Variants in NT5M observed in about 807,000 individuals in gnomAD.
NT5M encodes 5'(3')-deoxyribonucleotidase, mitochondrial.
In NT5M, 22 loss-of-function variants were observed where a neutral mutation model predicts 22.2. That is an observed-to-expected ratio of 0.99 (90% confidence interval 0.71 to 1.41). The LOEUF (loss-of-function observed/expected upper bound fraction) is 1.41. Ranked by LOEUF, NT5M falls within the 40% of genes most tolerant of loss-of-function variation. The pLI is 0.00. For missense variants in NT5M, 322 were observed against 314.8 expected, an observed-to-expected ratio of 1.02 and a Z score of -0.17; for synonymous variants, 167 against 133.0, an observed-to-expected ratio of 1.26 and a Z score of -1.76.
intron 3 of NT5M, among the ~76,000 whole-genome samples, chr17:17,323,768 G>C (rs1007066076): frequency 2.0e-5 from 3 of 152,198 alleles, no homozygotes; most frequent in Non-Finnish European, 4.4e-5. Context: ...AGCTCTTCCC[G>C]AGCTGAGGAA....
intron 3 of NT5M, among the ~76,000 whole-genome samples, chr17:17,342,626 C>T (rs1168190672): frequency 6.6e-6 from 1 of 152,212 alleles, no homozygotes; most frequent in Non-Finnish European, 1.5e-5. Context: ...GGGTTTTCCC[C>T]ATTCCTCAAA....
At chr17:17,324,883 CACTTAT>C (rs975504327) in intron 3 of NT5M, among the ~76,000 whole-genome samples, 4 of 152,188 alleles carry the variant, frequency 2.6e-5, no homozygotes, top group Admixed American at 2.6e-4. Context: ...AGCACGAGTT[CACTTAT>C]ACTTAGGAGA....
In NT5M at chr17:17,303,594, C is replaced by T. The variant is rs1266102565; in HGVS notation, c.44C>T (p.Ala15Val). The change falls in exon 1 of 5, where the codon GCG becomes GTG. Residue 15 changes from alanine to valine, a missense_variant. By Grantham distance (64) the Ala-to-Val change is moderately conservative (BLOSUM62 0). Transcript: ENST00000389022. ...TGGTGTGCGCGGCGGCTCTGCAGCG[C>T]GGCGGTTCCCGCGGGGCGGCGCGGG... ...GGWCARRLCS[A>V]AVPAGRRGAA... The T allele has an allele frequency of 1.7e-5, 20 of 1,202,868 alleles. No homozygotes were observed. In the East Asian group the frequency reaches 4.5e-4, roughly 27 times the overall value. 74.5% of individuals were successfully genotyped at this position (1,202,868 alleles called of 1,614,324 possible).
At chr17:17,310,103 C>T (rs940814242) in intron 2 of NT5M, among the ~76,000 whole-genome samples, 4 of 152,056 alleles carry the variant, frequency 2.6e-5, no homozygotes, top group Admixed American at 6.6e-5. Flanking sequence ...GGATTACAGG[C>T]GTGAGCCACC....
intron 3 of NT5M, among the ~76,000 whole-genome samples, chr17:17,341,903 C>T (rs1017789853): frequency 1.3e-5 from 2 of 152,144 alleles, no homozygotes; most frequent in South Asian, 2.1e-4. Flanking sequence ...TGGTGGCAGG[C>T]GCCTGTGATC....
intron 3 of NT5M, among the ~76,000 whole-genome samples, chr17:17,337,324 C>T (rs1310299682): frequency 2.0e-5 from 3 of 152,100 alleles, no homozygotes; most frequent in Non-Finnish European, 4.4e-5. Flanking sequence ...TCACTGTAGC[C>T]TCAACCTCCT....
intron 3 of NT5M, among the ~76,000 whole-genome samples, chr17:17,331,956 A>G (rs141337102): frequency 1.9e-4 from 28 of 150,944 alleles, no homozygotes; most frequent in Non-Finnish European, 2.8e-4. Flanking sequence ...AATTTTTTGT[A>G]TTTTTAGTAG....
At chr17:17,312,940 C>G (rs901903474) in intron 2 of NT5M, among the ~76,000 whole-genome samples, 2 of 152,036 alleles carry the variant, frequency 1.3e-5, no homozygotes, top group Non-Finnish European at 2.9e-5. Context: ...GCCATGTACT[C>G]CTGCCTGAGC....
intron 2 of NT5M, 29 bp from the exon 3 acceptor site, chr17:17,323,156 A>G (rs1225998294): frequency 1.2e-6 from 2 of 1,607,602 alleles, no homozygotes; most frequent in Admixed American, 3.3e-5. Flanking sequence ...ATGGGGCTGC[A>G]GGCTCAACCT....
chr17:17,316,853 TATAGGCAC>T lies in NT5M; in HGVS notation c.369-6329_369-6322del, dbSNP rs1174188977. On this transcript the variant is annotated intron_variant, in intron 2 of 4. Transcript: ENST00000389022. ...CCTCAGCCTCCAGAGTAGCTGGGAC[TATAGGCAC>T]ATGCTACCACGCCTGGCTAATTTTT... Among the ~76,000 whole-genome samples the T allele has an allele frequency of 4.0e-5, 6 of 151,896 alleles. No individual in the cohort carries two copies. The East Asian group carries it at 1.2e-3, about 30-fold the overall frequency.
chr17:17,304,760 C>A (rs1168571204), intron 1 of NT5M, among the ~76,000 whole-genome samples: 1 of 152,178 alleles, frequency 6.6e-6, no homozygotes, highest in Non-Finnish European at 1.5e-5. Context: ...AAACCCAAGT[C>A]TGTCTGCCTC....
Position 17,347,217 on chromosome 17 carries a change from A to G in NT5M, c.*270A>G, listed in dbSNP as rs892490871. On this transcript the variant is annotated 3_prime_UTR_variant, in exon 5 of 5. Transcript: ENST00000389022. ...GCAGGCACCAAGCTGCCAGAAGCCC[A>G]GGGGCTCAGGACAGGGAGGAGTTGA... 2.0e-5 allele frequency: 10 copies of G among 493,074 alleles called. No homozygotes were observed. Among genetic ancestry groups the G allele is most frequent in the Non-Finnish European group, 2.9e-5 (8 of 276,626 alleles). The allele number at this position is 493,074 out of a possible 1,614,324, so 30.5% of individuals were successfully genotyped here. A position where few individuals can be genotyped will look rare whatever the true frequency, so the allele number is the denominator to read the frequency against.
chr17:17,325,124 A>G (rs2049238544), intron 3 of NT5M, among the ~76,000 whole-genome samples: 1 of 151,960 alleles, frequency 6.6e-6, no homozygotes, highest in Admixed American at 6.6e-5. Context: ...ATTCTCATAC[A>G]CCCTCAAGTT....
At chr17:17,325,244 G>T (rs929395728) in intron 3 of NT5M, among the ~76,000 whole-genome samples, 1 of 152,136 alleles carries the variant, frequency 6.6e-6, no homozygotes, top group African/African-American at 2.4e-5. Flanking sequence ...TCATTCATCC[G>T]TTCCTGGGGA....
chr17:17,328,267 A>T (rs2049302980), intron 3 of NT5M, among the ~76,000 whole-genome samples: 1 of 152,192 alleles, frequency 6.6e-6, no homozygotes, highest in African/African-American at 2.4e-5. Context: ...GCCAGTGGCT[A>T]CAGGGGCTGA....
intron 2 of NT5M, among the ~76,000 whole-genome samples, chr17:17,307,345 C>T (rs372907736): frequency 5.2e-4 from 79 of 152,142 alleles, no homozygotes; most frequent in African/African-American, 1.8e-3. Context: ...ACAAAATGGC[C>T]GGGCACGGTG....
At chr17:17,329,399 C>T (rs927711067) in intron 3 of NT5M, among the ~76,000 whole-genome samples, 32 of 152,222 alleles carry the variant, frequency 2.1e-4, no homozygotes, top group African/African-American at 7.5e-4. Context: ...TGCTCTGCTC[C>T]TCGGCCTCAC....
chr17:17,346,537 A>G (rs540178562), intron 4 of NT5M, among the ~76,000 whole-genome samples: 2 of 152,320 alleles, frequency 1.3e-5, no homozygotes, highest in East Asian at 3.9e-4. Flanking sequence ...GAGGCGGGGC[A>G]CATGTCCCTT....
chr17:17,309,715 A>C (rs1164838270), intron 2 of NT5M, among the ~76,000 whole-genome samples: 5 of 148,606 alleles, frequency 3.4e-5, no homozygotes, highest in Admixed American at 2.0e-4. Flanking sequence ...TTTTTGAGAC[A>C]GAGTTGCTGA....
Sources: gnomAD v4.1 joint callset for allele counts (sites outside exome capture counted in the v4.1 genomes callset) on GRCh38, gnomAD v4.1.1 for gene constraint, MANE v1.5 for transcripts, NCBI Gene and HGNC (gene_info 2026-07-23, HGNC 2026-07-21) for gene names.